Variants in SEC23B observed in about 807,000 individuals in gnomAD.
The protein encoded by SEC23B is protein transport protein Sec23B.
In SEC23B, 77 loss-of-function variants were observed where a neutral mutation model predicts 104.3. The observed-to-expected ratio is 0.74, with a 90% CI of 0.61 to 0.89. The LOEUF (loss-of-function observed/expected upper bound fraction) is 0.89. Among genes scored for constraint, SEC23B ranks in the 40% least tolerant of loss-of-function variants. The pLI, the probability that SEC23B is intolerant of heterozygous loss-of-function variation, is 0.00. For synonymous variants in SEC23B, 338 were observed against 332.5 expected, an observed-to-expected ratio of 1.02 and a Z score of -0.18; for missense variants, 885 against 949.4, an observed-to-expected ratio of 0.93 and a Z score of 0.89.
At chr20:18,542,948 T>G (rs1165998403) in intron 13 of SEC23B, 71 bp from the exon 14 acceptor site, 2 of 1,599,722 alleles carry the variant, frequency 1.3e-6, no homozygotes, top group Non-Finnish European at 1.7e-6. Context: ...CTGTGTTTCT[T>G]TTTCTGAATG....
At chr20:18,549,193 A>G (rs2060362577) in intron 16 of SEC23B, among the ~76,000 whole-genome samples, 1 of 152,186 alleles carries the variant, frequency 6.6e-6, no homozygotes, top group Admixed American at 6.5e-5. Context: ...TGAGAAATGC[A>G]GTTGACCCTC....
rs61607622 is a variant in SEC23B at position 18,549,369 on chromosome 20, T to C, written c.1905+599T>C. On this transcript the variant is annotated intron_variant, in intron 16 of 19. Coordinates refer to ENST00000650089, the MANE Select transcript of SEC23B (RefSeq NM_006363.6). ...GTTATAATACCTAATATAATGTAAGTACCATGTAAATAATTGTCATACTGT... is the reference window on the plus strand; with the variant it reads ...GTTATAATACCTAATATAATGTAAGCACCATGTAAATAATTGTCATACTGT... Among the ~76,000 whole-genome samples the C allele has an allele frequency of 6.0e-3, 913 of 152,284 alleles. 11 individuals are homozygous for C. Among genetic ancestry groups the C allele is most frequent in the African/African-American group, 0.021 (867 of 41,568 alleles).
rs1209816521 is a variant in SEC23B at position 18,524,443 on chromosome 20, A to G, written c.377A>G (p.Gln126Arg). The change falls in exon 5 of 20, where the codon CAG becomes CGG. Residue 126 changes from glutamine (Q) to arginine (R), a missense_variant. Gln to Arg is a conservative substitution (Grantham distance 43). Transcript: ENST00000650089. ...TTTCTTTGCCCAAAGCGAGGTGCTCAGTCCCCTCTGATCTTTCTCTATGTG... is the reference window on the plus strand; with the variant it reads ...TTTCTTTGCCCAAAGCGAGGTGCTCGGTCCCCTCTGATCTTTCTCTATGTG... ...TIEYVIQRGA[Q>R]SPLIFLYVVD... The G allele has an allele frequency of 6.2e-7, 1 of 1,613,802 alleles. No individual in the cohort carries two copies. The highest frequency in any genetic ancestry group is 8.5e-7 in the Non-Finnish European group (1 of 1,179,672).
chr20:18,544,297 CA>C (rs3842526), intron 14 of SEC23B, among the ~76,000 whole-genome samples: 45,083 of 152,058 alleles, frequency 0.3, 7,212 homozygotes, highest in Non-Finnish European at 0.36. Context: ...CTCATGGAAC[CA>C]TTTTTCAGGA....
rs1319249655 is a variant in SEC23B, at chr20:18,559,812, T to C, written c.2215-839T>C. Among the ~76,000 whole-genome samples the C allele has an allele frequency of 2.0e-5, 3 of 152,292 alleles. No individual in the cohort carries two copies. In the East Asian group the frequency reaches 5.8e-4, roughly 29 times the overall value. ...TGGGTCCCAAGGTCTTTAGTTTTTC[T>C]GTCTTCTCTCCACCTTTAAAAGTCT... On this transcript the variant is annotated intron_variant, in intron 19 of 19. Coordinates refer to ENST00000650089, the MANE Select transcript of SEC23B (RefSeq NM_006363.6).
chr20:18,556,144 A>T (rs2060435737), intron 19 of SEC23B, among the ~76,000 whole-genome samples: 1 of 152,090 alleles, frequency 6.6e-6, no homozygotes, highest in Non-Finnish European at 1.5e-5. Context: ...AATGCACGTG[A>T]TGGGGGAGCA....
intron 15 of SEC23B, 97 bp from the exon 16 acceptor site, chr20:18,548,512 G>A: frequency 8.1e-7 from 1 of 1,229,646 alleles, no homozygotes; most frequent in Non-Finnish European, 1.2e-6. Flanking sequence ...CCTTTTCTGG[G>A]TTCTCCTATT....
At chr20:18,527,031 C>T (rs2148900577) in intron 8 of SEC23B, among the ~76,000 whole-genome samples, 1 of 152,362 alleles carries the variant, frequency 6.6e-6, no homozygotes, top group South Asian at 2.1e-4. Flanking sequence ...GTCTTGCCAA[C>T]ATGGCGAAAC....
Position 18,543,120 on chromosome 20 carries a change from C to T in SEC23B, c.1613C>T (p.Ser538Leu), listed in dbSNP as rs764911639. Residue 538 changes from serine to leucine, a missense_variant, in exon 14 of 20, where the codon TCA becomes TTA. Coordinates refer to ENST00000650089, the MANE Select transcript of SEC23B (RefSeq NM_006363.6). Reference sequence around the variant, plus strand: ...CGGCTTGGGGTGTTCCGAGCGGAGTCAGAGGAGGGGCCCGATGTGCTCCGG... The same window carrying T: ...CGGCTTGGGGTGTTCCGAGCGGAGTTAGAGGAGGGGCCCGATGTGCTCCGG... ...MARLGVFRAE[S>L]EEGPDVLRWL... 2 of 1,614,174 alleles carry T rather than the reference C, an allele frequency of 1.2e-6. No homozygotes were observed. The highest frequency in any genetic ancestry group is 1.1e-5 in the South Asian group (1 of 91,086).
chr20:18,512,763 A>G (rs2059992608), intron 3 of SEC23B, among the ~76,000 whole-genome samples: 3 of 152,256 alleles, frequency 2.0e-5, no homozygotes, highest in Admixed American at 1.3e-4. Flanking sequence ...TATAAAAGTA[A>G]CTGTGCGGCC....
chr20:18,523,224 G>T lies in SEC23B; in HGVS notation c.367-1209G>T, dbSNP rs886878732. Reference sequence around the variant, plus strand: ...CTAGTGTCCTCGTTCAGCCCAGTGGGCCTCTTTGACTCTCCTCAAATGTGC... The same window carrying T: ...CTAGTGTCCTCGTTCAGCCCAGTGGTCCTCTTTGACTCTCCTCAAATGTGC... On this transcript the variant is annotated intron_variant, in intron 4 of 19. Coordinates refer to ENST00000650089, the MANE Select transcript of SEC23B (RefSeq NM_006363.6). Among the ~76,000 whole-genome samples the T allele has an allele frequency of 3.3e-5, 5 of 151,868 alleles. No individual in the cohort carries two copies. The East Asian group carries it at 9.7e-4, about 29-fold the overall frequency.
intron 19 of SEC23B, 142 bp from the exon 20 acceptor site, chr20:18,560,509 G>A (rs571242078): frequency 2.8e-6 from 2 of 716,164 alleles, no homozygotes; most frequent in East Asian, 5.1e-5. Flanking sequence ...AGTTGTTCGT[G>A]AGGCAGAGGA....
At chr20:18,509,095 G>T (rs1044682852) in intron 1 of SEC23B, among the ~76,000 whole-genome samples, 1 of 152,240 alleles carries the variant, frequency 6.6e-6, no homozygotes, top group African/African-American at 2.4e-5. Flanking sequence ...TACTTGCTGA[G>T]AGTTGTGATA....
At chr20:18,529,684 A>C (rs765779386) in intron 9 of SEC23B, among the ~76,000 whole-genome samples, 3 of 152,244 alleles carry the variant, frequency 2.0e-5, no homozygotes, top group Admixed American at 6.5e-5. Flanking sequence ...CACACTCCAC[A>C]TATAAAGGAC....
At chr20:18,523,397 C>CTTTTTTTTTT (rs112136906) in intron 4 of SEC23B, among the ~76,000 whole-genome samples, 7 of 130,554 alleles carry the variant, frequency 5.4e-5, no homozygotes, top group Non-Finnish European at 6.3e-5. Flanking sequence ...TCTTTCCTTT[C>CTTTTTTTTTT]TTTTTTTTTT....
At chr20:18,551,218 A>C (rs2060384624) in intron 17 of SEC23B, 43 bp downstream of exon 17, 1 of 1,154,398 alleles carries the variant, frequency 8.7e-7, no homozygotes, top group Non-Finnish European at 1.3e-6. Context: ...TTTGTTTTTA[A>C]ATTGGAGAAA....
At position 18,535,655 on chromosome 20, in the gene SEC23B, G is replaced by T. The variant is rs147410912; in HGVS notation, c.1317G>T (p.Glu439Asp). 3.1e-4 allele frequency: 495 copies of T among 1,613,780 alleles called. 4 individuals are homozygous for T. In the African/African-American group the frequency reaches 5.8e-3, roughly 19 times the overall value. The change falls in exon 12 of 20, where the codon GAG (glutamate) becomes GAT (aspartate). Residue 439 changes from glutamate (E) to aspartate (D), a missense_variant and splice_region_variant. Physicochemically the swap from Glu to Asp is conservative, Grantham distance 45. Transcript: ENST00000650089. Reference protein sequence around the residue: ...NVKGPCVSENELGVGGTSQWK... With the variant: ...NVKGPCVSENDLGVGGTSQWK... The stretch of plus-strand genomic sequence containing the variant: ...CAAATTCCTCTTCCCACCCCCAGGA[G>T]CTTGGTGTTGGTGGCACGAGTCAGT...
rs960828121 is a variant in SEC23B, at chr20:18,524,661, C to G, written c.595C>G (p.Gln199Glu). The change falls in exon 5 of 20, where the codon CAA becomes GAA. Residue 199 changes from glutamine to glutamate, a missense_variant. Physicochemically the swap from Gln to Glu is conservative, Grantham distance 29. Transcript: ENST00000650089. ...FRGTKDLTAK[Q>E]IQDMLGLTKP... ...AGGGACCAAGGATTTAACTGCAAAG[C>G]AAATACAGGTTTGTACCTTACTTGT... 6.2e-7 allele frequency: 1 copy of G among 1,611,928 alleles called. No homozygotes were observed. Among genetic ancestry groups the G allele is most frequent in the Admixed American group, 1.7e-5 (1 of 60,018 alleles).
chr20:18,521,623 T>G (rs1459936798), intron 4 of SEC23B, among the ~76,000 whole-genome samples: 1 of 151,496 alleles, frequency 6.6e-6, no homozygotes, highest in Non-Finnish European at 1.5e-5. Flanking sequence ...GGGGAGGTGA[T>G]AGAAAGATTA....
Sources: gnomAD v4.1 joint callset for allele counts (sites outside exome capture counted in the v4.1 genomes callset) on GRCh38, gnomAD v4.1.1 for gene constraint, MANE v1.5 for transcripts, NCBI Gene and HGNC (gene_info 2026-07-23, HGNC 2026-07-21) for gene names.